ZNF654: variants seen among roughly 807,000 people sequenced by gnomAD.
ZNF654 encodes zinc finger protein 654.
In ZNF654, 19 loss-of-function variants were observed where a neutral mutation model predicts 95.3. The observed-to-expected ratio is 0.20, with a 90% confidence interval of 0.14 to 0.29. The LOEUF (loss-of-function observed/expected upper bound fraction) is 0.29. Ranked by LOEUF, ZNF654 falls within the 10% of genes least tolerant of loss-of-function variation. ZNF654 has a pLI of 1.00. For missense variants in ZNF654, 1,046 were observed against 1,341.0 expected (o/e 0.78, Z 3.44); for synonymous variants, 413 against 457.9 (o/e 0.90, Z 1.25).
intron 2 of ZNF654, among the ~76,000 whole-genome samples, chr3:88,089,676 A>G (rs900865423): frequency 7.2e-5 from 11 of 152,094 alleles, no homozygotes; most frequent in African/African-American, 2.7e-4. Context: ...TGACAGTTCT[A>G]GGATTAAGCT....
At chr3:88,066,791 CAAACAA>C (rs999815854) in intron 1 of ZNF654, among the ~76,000 whole-genome samples, 5 of 152,022 alleles carry the variant, frequency 3.3e-5, no homozygotes, top group African/African-American at 4.8e-5. Context: ...TTAAAAATTA[CAAACAA>C]AAACAAAAAC....
chr3:88,079,140 A>G (rs749486071), intron 1 of ZNF654, among the ~76,000 whole-genome samples: 8 of 152,082 alleles, frequency 5.3e-5, no homozygotes, highest in Non-Finnish European at 1.2e-4. Flanking sequence ...CTCAACCTAA[A>G]GTAACTTCAG....
chr3:88,137,240 G>A (rs1193275857), intron 7 of ZNF654, among the ~76,000 whole-genome samples: 5 of 146,926 alleles, frequency 3.4e-5, no homozygotes, highest in African/African-American at 5.0e-5. Context: ...GAAGTATGGA[G>A]AAAGAAAACG....
At chr3:88,066,407 C>T (rs1707201489) in intron 1 of ZNF654, among the ~76,000 whole-genome samples, 1 of 151,838 alleles carries the variant, frequency 6.6e-6, no homozygotes, top group South Asian at 2.1e-4. Flanking sequence ...AACCCTATCT[C>T]TACAAAAAAA....
chr3:88,102,951 C>CT (rs1704518026), intron 2 of ZNF654, among the ~76,000 whole-genome samples: 2 of 150,166 alleles, frequency 1.3e-5, no homozygotes, highest in Admixed American at 1.3e-4. Flanking sequence ...GGTAAGCATA[C>CT]TAACCACTAG....
intron 1 of ZNF654, among the ~76,000 whole-genome samples, chr3:88,084,461 C>T (rs1414858166): frequency 6.6e-6 from 1 of 152,098 alleles, no homozygotes; most frequent in African/African-American, 2.4e-5. Context: ...TTCTAACATT[C>T]CTCTTTTTTA....
chr3:88,129,337 A>C (rs1188507089), intron 5 of ZNF654, among the ~76,000 whole-genome samples: 1 of 150,920 alleles, frequency 6.6e-6, no homozygotes, highest in Non-Finnish European at 1.5e-5. Context: ...AAAAAAAAAA[A>C]AAAAAAAACC....
chr3:88,109,315 A>G (rs1704947059), intron 2 of ZNF654, among the ~76,000 whole-genome samples: 1 of 152,142 alleles, frequency 6.6e-6, no homozygotes, highest in Admixed American at 6.6e-5. Context: ...ACTAAGTAGG[A>G]CTGAATAGAA....
At chr3:88,113,799 G>T (rs1705233510) in intron 3 of ZNF654, among the ~76,000 whole-genome samples, 1 of 111,080 alleles carries the variant, frequency 9.0e-6, no homozygotes, top group South Asian at 4.1e-4. Flanking sequence ...CACCCATTTA[G>T]AACTGAAATA....
At chr3:88,128,657 A>T (rs1706266042) in intron 4 of ZNF654, among the ~76,000 whole-genome samples, 152 bp from the exon 5 acceptor site, 1 of 152,158 alleles carries the variant, frequency 6.6e-6, no homozygotes, top group African/African-American at 2.4e-5. Flanking sequence ...CATATAACTG[A>T]ATATTTTCAC....
chr3:88,128,982 T>C lies in ZNF654; in HGVS notation c.724T>C (p.Ser242Pro). ...HQALFTCLFM[S>P]PVEDQLFREH... ...AGCACTCTTCACATGTCTGTTTATG[T>C]CACCTGTAGAAGATCAGCTATTCCG... Residue 242 changes from serine (S) to proline (P), a missense_variant, in exon 5 of 9, where the codon TCA becomes CCA. Physicochemically the swap from Ser to Pro is moderately conservative, Grantham distance 74. Transcript: ENST00000636215. 1 of 1,534,738 alleles carries C rather than the reference T, an allele frequency of 6.5e-7. No homozygotes were observed. The highest frequency in any genetic ancestry group is 8.7e-7 in the Non-Finnish European group (1 of 1,146,136).
At chr3:88,107,606 A>C (rs576246794) in intron 2 of ZNF654, among the ~76,000 whole-genome samples, 184 of 152,242 alleles carry the variant, frequency 1.2e-3, no homozygotes, top group African/African-American at 3.4e-3. Flanking sequence ...TTTTAGAACT[A>C]TGATTAAACA....
chr3:88,088,761 TATGGATGGATGGATGGATGG>T, intron 2 of ZNF654, among the ~76,000 whole-genome samples: 1 of 126,488 alleles, frequency 7.9e-6, no homozygotes, highest in East Asian at 2.5e-4. Context: ...TGTATGTATG[TATGGATGGATGGATGGATGG>T]ATGGATGGAT....
At chr3:88,064,057 C>A (rs1392884766) in intron 1 of ZNF654, among the ~76,000 whole-genome samples, 4 of 150,372 alleles carry the variant, frequency 2.7e-5, no homozygotes, top group African/African-American at 9.7e-5. Context: ...GCCTATGATT[C>A]TGTCAGTATG....
intron 3 of ZNF654, among the ~76,000 whole-genome samples, chr3:88,116,559 T>TACACACACACACACACACACAC (rs140401038): frequency 3.1e-4 from 46 of 146,650 alleles, no homozygotes; most frequent in African/African-American, 1.1e-3. Flanking sequence ...CATACATATA[T>TACACACACACACACACACACAC]ATACACACAC....
intron 4 of ZNF654, 109 bp from the exon 5 acceptor site, chr3:88,128,698 TAA>T (rs1318583508): frequency 1.4e-6 from 1 of 698,260 alleles, no homozygotes; most frequent in Non-Finnish European, 2.3e-6. Context: ...AAATGCTATT[TAA>T]GTAGTTAAAT....
intron 3 of ZNF654, among the ~76,000 whole-genome samples, chr3:88,124,238 T>C (rs756252703): frequency 2.0e-5 from 3 of 152,220 alleles, no homozygotes; most frequent in Non-Finnish European, 4.4e-5. Context: ...ACAACAATCC[T>C]ATGAAGTAGG....
chr3:88,113,940 A>G (rs996412305), intron 3 of ZNF654, among the ~76,000 whole-genome samples: 2 of 152,176 alleles, frequency 1.3e-5, no homozygotes, highest in Non-Finnish European at 2.9e-5. Context: ...AGAGGTAAAA[A>G]TACCTGTTTT....
intron 3 of ZNF654, among the ~76,000 whole-genome samples, chr3:88,124,353 G>A (rs2107813146): frequency 6.6e-6 from 1 of 152,184 alleles, no homozygotes; most frequent in South Asian, 2.1e-4. Context: ...CTTAATTTGG[G>A]ACCAACCTTA....
Sources: gnomAD v4.1 joint callset for allele counts (sites outside exome capture counted in the v4.1 genomes callset) on GRCh38, gnomAD v4.1.1 for gene constraint, MANE v1.5 for transcripts, NCBI Gene and HGNC (gene_info 2026-07-23, HGNC 2026-07-21) for gene names.